PLXDC2: variants seen among roughly 807,000 people sequenced by gnomAD.
PLXDC2 encodes plexin domain containing 2.
A neutral mutation model predicts 68.9 loss-of-function variants in PLXDC2; 40 were observed. That is an observed-to-expected ratio of 0.58 (90% CI 0.45 to 0.76). PLXDC2 has a LOEUF of 0.76. PLXDC2 is among the 30% of genes least tolerant of loss of function. The pLI is 0.00. For missense variants in PLXDC2, 644 were observed against 661.9 expected (o/e 0.97, Z 0.30); for synonymous variants, 243 against 234.2 (o/e 1.04, Z -0.34).
intron 1 of PLXDC2, among the ~76,000 whole-genome samples, chr10:19,945,278 G>C (rs1346720156): frequency 6.6e-6 from 1 of 152,116 alleles, no homozygotes; most frequent in East Asian, 1.9e-4. Context: ...CTGTAATGTG[G>C]CTCCTCATTG....
intron 5 of PLXDC2, among the ~76,000 whole-genome samples, chr10:20,146,562 C>G (rs553916705): frequency 8.0e-6 from 1 of 124,618 alleles, no homozygotes; most frequent in South Asian, 2.9e-4. Flanking sequence ...AATATAGACA[C>G]GGAGATGCCC....
chr10:20,172,175 G>C (rs982357003), intron 7 of PLXDC2, among the ~76,000 whole-genome samples: 2 of 145,514 alleles, frequency 1.4e-5, no homozygotes, highest in Admixed American at 1.4e-4. Context: ...ATTGTTTTCT[G>C]AGACCCAACA....
chr10:19,930,815 T>G (rs912911016), intron 1 of PLXDC2, among the ~76,000 whole-genome samples: 1 of 151,888 alleles, frequency 6.6e-6, no homozygotes, highest in Non-Finnish European at 1.5e-5. Context: ...CTACAAAAAT[T>G]AGCCAGGCCT....
chr10:19,998,487 A>G (rs190447537), intron 1 of PLXDC2, among the ~76,000 whole-genome samples: 10 of 152,302 alleles, frequency 6.6e-5, no homozygotes, highest in African/African-American at 2.4e-4. Context: ...ACGACCAGGT[A>G]GCCTTGTTTA....
intron 2 of PLXDC2, among the ~76,000 whole-genome samples, chr10:20,039,541 T>C (rs1045389844): frequency 1.3e-5 from 2 of 152,198 alleles, no homozygotes; most frequent in Admixed American, 6.6e-5. Flanking sequence ...AAGGATTCTT[T>C]TTTGAGAACT....
chr10:20,235,539 T>C (rs1010850412), intron 12 of PLXDC2, among the ~76,000 whole-genome samples: 1 of 152,186 alleles, frequency 6.6e-6, no homozygotes, highest in Non-Finnish European at 1.5e-5. Flanking sequence ...CATCAGGAGA[T>C]AGCTCTTACT....
chr10:19,975,321 G>T (rs1834434617), intron 1 of PLXDC2, among the ~76,000 whole-genome samples: 2 of 152,124 alleles, frequency 1.3e-5, no homozygotes, highest in African/African-American at 4.8e-5. Flanking sequence ...AGCTGGGCAT[G>T]GTGGCAGGTG....
rs1471507446 is a variant in PLXDC2 at position 20,283,821 on chromosome 10, T to C, written c.*4002T>C. On this transcript the variant is annotated 3_prime_UTR_variant, in exon 14 of 14. Coordinates refer to ENST00000377252, the MANE Select transcript of PLXDC2 (RefSeq NM_032812.9). ...TTATCACTGTAACACTAAGGAGCTATGGCATTAAAATATAAAACTATTTGG... is the reference window on the plus strand; with the variant it reads ...TTATCACTGTAACACTAAGGAGCTACGGCATTAAAATATAAAACTATTTGG... The C allele has an allele frequency of 1.3e-5, 2 of 152,238 alleles. No individual in the cohort carries two copies. The highest frequency in any genetic ancestry group is 2.9e-5 in the Non-Finnish European group (2 of 68,046). The allele number at this position is 152,238 out of a possible 1,614,324, so 9.4% of individuals were successfully genotyped here.
chr10:19,897,068 G>A (rs1169780741), intron 1 of PLXDC2, among the ~76,000 whole-genome samples: 2 of 152,090 alleles, frequency 1.3e-5, no homozygotes, highest in South Asian at 4.1e-4. Context: ...TTGCACGTAA[G>A]TTTCTGCCCT....
At chr10:20,014,448 CCTCT>C (rs1043630623) in intron 2 of PLXDC2, among the ~76,000 whole-genome samples, 19 of 129,824 alleles carry the variant, frequency 1.5e-4, no homozygotes, top group Admixed American at 2.5e-4. Flanking sequence ...CCTTCCTTCC[CCTCT>C]CTCTCTTTCT....
intron 2 of PLXDC2, among the ~76,000 whole-genome samples, chr10:20,003,861 G>A (rs1378068923): frequency 2.0e-5 from 3 of 152,200 alleles, no homozygotes; most frequent in Non-Finnish European, 4.4e-5. Context: ...TTTCCGGGCT[G>A]ACTACTGCCA....
At chr10:20,220,290 G>A (rs546107399) in intron 12 of PLXDC2, among the ~76,000 whole-genome samples, 1 of 152,210 alleles carries the variant, frequency 6.6e-6, no homozygotes, top group South Asian at 2.1e-4. Context: ...ATTTCCCAGA[G>A]GAGGATGTTA....
chr10:20,057,371 A>G lies in PLXDC2; in HGVS notation c.471+10356A>G, dbSNP rs138273590. Among the ~76,000 whole-genome samples, 397 of 152,244 alleles carry G rather than the reference A, an allele frequency of 2.6e-3. 2 individuals are homozygous for G. Among genetic ancestry groups the G allele is most frequent in the African/African-American group, 9.1e-3 (376 of 41,546 alleles). On this transcript the variant is annotated intron_variant, in intron 3 of 13. Coordinates refer to ENST00000377252, the MANE Select transcript of PLXDC2 (RefSeq NM_032812.9). ...GTAGGTTAGTATTTCAGTATATTTTAACAATATTTTTTATACCTGGTCCCA... is the reference window on the plus strand; with the variant it reads ...GTAGGTTAGTATTTCAGTATATTTTGACAATATTTTTTATACCTGGTCCCA...
intron 1 of PLXDC2, among the ~76,000 whole-genome samples, chr10:19,822,751 T>C (rs1436486812): frequency 6.6e-6 from 1 of 152,208 alleles, no homozygotes; most frequent in Non-Finnish European, 1.5e-5. Context: ...GACCATGTCA[T>C]ATGCCTGTTG....
chr10:20,149,229 C>CT lies in PLXDC2; in HGVS notation c.783+1353dup, dbSNP rs71200986. ...ATTTTTCTTTCTTTTTTTTTCTTTT[C>CT]TTTTTTTTTTTTTTTTTTTTTTTTT... On this transcript the variant is annotated intron_variant, in intron 6 of 13. Transcript: ENST00000377252. 3.4e-3 allele frequency among the ~76,000 whole-genome samples: 120 copies of CT among 34,934 alleles called. 4 individuals are homozygous for CT. Among genetic ancestry groups the CT allele is most frequent in the African/African-American group, 0.012 (99 of 8,430 alleles). The allele number at this position is 34,934 out of a possible 152,430, so 22.9% of individuals were successfully genotyped here.
chr10:20,143,284 T>A lies in PLXDC2; in HGVS notation c.542-11T>A. 2 of 1,601,384 alleles carry A rather than the reference T, an allele frequency of 1.2e-6. No individual in the cohort carries two copies. Among genetic ancestry groups the A allele is most frequent in the Non-Finnish European group, 1.7e-6 (2 of 1,174,730 alleles). On this transcript the variant is annotated splice_polypyrimidine_tract_variant and intron_variant, in intron 4 of 13. Coordinates refer to ENST00000377252, the MANE Select transcript of PLXDC2 (RefSeq NM_032812.9). ...TTTTTCTGAATATGTTTCCTATTTT[T>A]CTAATTCTAGGTTTCATATACACTG...
chr10:20,126,137 G>GTGTATATATAACATATATTATGTA (rs1476239102), intron 4 of PLXDC2, among the ~76,000 whole-genome samples: 2 of 146,008 alleles, frequency 1.4e-5, no homozygotes, highest in African/African-American at 5.0e-5. Context: ...TGTTATATAT[G>GTGTATATATAACATATATTATGTA]TGTATATATA....
chr10:20,230,196 A>C (rs11011893), intron 12 of PLXDC2, among the ~76,000 whole-genome samples: 6 of 152,018 alleles, frequency 3.9e-5, no homozygotes, highest in African/African-American at 1.5e-4. Context: ...TATGCTGTGT[A>C]TAAGAAATGT....
intron 1 of PLXDC2, among the ~76,000 whole-genome samples, chr10:19,876,217 A>G (rs1837628646): frequency 6.6e-6 from 1 of 152,158 alleles, no homozygotes; most frequent in African/African-American, 2.4e-5. Flanking sequence ...GATCGTTTCT[A>G]TTGTGGTAAA....
Sources: gnomAD v4.1 joint callset for allele counts (sites outside exome capture counted in the v4.1 genomes callset) on GRCh38, gnomAD v4.1.1 for gene constraint, MANE v1.5 for transcripts, NCBI Gene and HGNC (gene_info 2026-07-23, HGNC 2026-07-21) for gene names.